Variants in MRC1 observed in about 807,000 individuals in gnomAD.
The protein encoded by MRC1 is mannose receptor C-type 1.
Under a neutral mutation model 102.9 loss-of-function variants are expected in MRC1, and 62 were observed. The observed-to-expected ratio is 0.60, with a 90% CI of 0.49 to 0.74. The LOEUF (loss-of-function observed/expected upper bound fraction) is 0.74, where lower values mean the gene tolerates loss of function less well. Ranked by LOEUF, MRC1 falls within the 30% of genes least tolerant of loss-of-function variation. The pLI, the probability that MRC1 is intolerant of heterozygous loss-of-function variation, is 0.00. For synonymous variants in MRC1, 457 were observed against 298.4 expected, an observed-to-expected ratio of 1.53 and a Z score of -5.48; for missense variants, 1,237 against 862.8, an observed-to-expected ratio of 1.43 and a Z score of -5.43.
chr10:17,897,964 A>G, intron 23 of MRC1, 70 bp from the exon 24 acceptor site: 2 of 779,908 alleles, frequency 2.6e-6, no homozygotes, highest in Admixed American at 3.4e-5. Context: ...GATGAGATAC[A>G]CTTATCATTA....
intron 9 of MRC1, among the ~76,000 whole-genome samples, chr10:17,857,576 G>A (rs1833111486): frequency 1.3e-5 from 2 of 151,960 alleles, no homozygotes; most frequent in Admixed American, 1.3e-4. Context: ...AGATTTACAG[G>A]GTGAATATTA....
chr10:17,849,759 G>C lies in MRC1; in HGVS notation c.1244G>C (p.Gly415Ala). ...TTGGACTTTATTATCTCCCAGCTAG[G>C]ATATGGTGAGAAACTTGACAGTGAT... Reference protein sequence around the residue: ...EELDFIISQLGYEPNDELWIG... With the variant: ...EELDFIISQLAYEPNDELWIG... The change falls in exon 7 of 30, where the codon GGA becomes GCA. Residue 415 changes from glycine (G) to alanine (A), a missense_variant. Coordinates refer to ENST00000569591, the MANE Select transcript of MRC1 (RefSeq NM_002438.4). 1.3e-6 allele frequency: 1 copy of C among 780,386 alleles called. No homozygotes were observed. The allele number at this position is 780,386 out of a possible 1,614,324, so 48.3% of individuals were successfully genotyped here. A position where few individuals can be genotyped will look rare whatever the true frequency, so the allele number is the denominator to read the frequency against.
Position 17,859,538 on chromosome 10 carries a change from G to A in MRC1, c.1519-1849G>A, listed in dbSNP as rs1227268267. On this transcript the variant is annotated intron_variant, in intron 9 of 29. Coordinates refer to ENST00000569591, the MANE Select transcript of MRC1 (RefSeq NM_002438.4). ...TCACCACGTTGGTCAAGGTGGTCTT[G>A]AACTCCTGACCTCAAGTGACCCACC... 3.3e-5 allele frequency among the ~76,000 whole-genome samples: 5 copies of A among 152,222 alleles called. No homozygotes were observed. In the East Asian group the frequency reaches 9.7e-4, roughly 29 times the overall value.
At chr10:17,844,034 A>C (rs34890636) in intron 5 of MRC1, among the ~76,000 whole-genome samples, 18,059 of 152,152 alleles carry the variant, frequency 0.12, 1,073 homozygotes, top group Middle Eastern at 0.17. Flanking sequence ...CAATGCCTAC[A>C]TTCATCCCTT....
At chr10:17,863,109 A>G (rs1302942612) in intron 10 of MRC1, 1 of 177,662 alleles carries the variant, frequency 5.6e-6, no homozygotes, top group East Asian at 1.6e-4. Flanking sequence ...CATGAGTATT[A>G]TCCTTGATAA....
At chr10:17,884,045 C>A (rs1258064563) in intron 21 of MRC1, among the ~76,000 whole-genome samples, 1 of 152,182 alleles carries the variant, frequency 6.6e-6, no homozygotes, top group Admixed American at 6.5e-5. Context: ...TGGCTGTCTG[C>A]AGCCTCGACC....
chr10:17,822,511 C>T (rs1288152377), intron 1 of MRC1, among the ~76,000 whole-genome samples: 1 of 152,108 alleles, frequency 6.6e-6, no homozygotes, highest in East Asian at 1.9e-4. Context: ...GTCCCAGCTA[C>T]TTGGGAGGCT....
chr10:17,863,973 G>A (rs1237283432), intron 11 of MRC1, among the ~76,000 whole-genome samples: 2 of 151,886 alleles, frequency 1.3e-5, no homozygotes, highest in Middle Eastern at 3.4e-3. Flanking sequence ...AATTCTCAGT[G>A]GTCGCAAAGG....
At chr10:17,871,683 A>G (rs888929129) in intron 14 of MRC1, among the ~76,000 whole-genome samples, 119 of 152,310 alleles carry the variant, frequency 7.8e-4, no homozygotes, top group African/African-American at 2.7e-3. Context: ...TTTGTTGCCA[A>G]GTTTTTCCTG....
intron 18 of MRC1, among the ~76,000 whole-genome samples, chr10:17,879,158 G>C (rs1038794538): frequency 6.6e-6 from 1 of 152,102 alleles, no homozygotes; most frequent in African/African-American, 2.4e-5. Context: ...GAGTAATCAG[G>C]GTCTCCACTT....
intron 4 of MRC1, among the ~76,000 whole-genome samples, chr10:17,837,785 G>C (rs1838691033): frequency 6.6e-6 from 1 of 151,906 alleles, no homozygotes; most frequent in South Asian, 2.1e-4. Context: ...TATTTTAGTA[G>C]ACACAGGGTT....
At chr10:17,830,224 C>G (rs904375012) in intron 3 of MRC1, among the ~76,000 whole-genome samples, 4 of 151,178 alleles carry the variant, frequency 2.6e-5, no homozygotes, top group Middle Eastern at 6.3e-3. Flanking sequence ...CTCTGCCTCC[C>G]AGGCTCAAGT....
intron 29 of MRC1, 123 bp from the exon 30 acceptor site, chr10:17,910,092 G>A: frequency 2.7e-6 from 2 of 747,654 alleles, no homozygotes; most frequent in Non-Finnish European, 4.9e-6. Context: ...TTTCTTTTCT[G>A]TTTGACAAAT....
chr10:17,902,208 T>A, intron 26 of MRC1, 86 bp downstream of exon 26: 1 of 676,684 alleles, frequency 1.5e-6, no homozygotes, highest in Non-Finnish European at 2.7e-6. Context: ...ACAAAGAATG[T>A]AAAAATACCT....
At chr10:17,858,949 G>T (rs1372679359) in intron 9 of MRC1, among the ~76,000 whole-genome samples, 1 of 152,146 alleles carries the variant, frequency 6.6e-6, no homozygotes, top group Non-Finnish European at 1.5e-5. Context: ...TCATTCTATT[G>T]TCTATGCTTT....
At chr10:17,895,528 G>C (rs1589194787) in intron 23 of MRC1, among the ~76,000 whole-genome samples, 1 of 151,950 alleles carries the variant, frequency 6.6e-6, no homozygotes, top group Non-Finnish European at 1.5e-5. Context: ...AGCATCATTT[G>C]TGCCTCATTA....
intron 1 of MRC1, among the ~76,000 whole-genome samples, chr10:17,818,359 A>C (rs1554838047): frequency 6.6e-6 from 1 of 152,378 alleles, no homozygotes; most frequent in Middle Eastern, 3.4e-3. Flanking sequence ...TAAATCAGAA[A>C]GATCAAGTAC....
chr10:17,854,979 C>A (rs912684342), intron 8 of MRC1, among the ~76,000 whole-genome samples: 1 of 152,164 alleles, frequency 6.6e-6, no homozygotes, highest in Admixed American at 6.5e-5. Flanking sequence ...GCGTGAGCCG[C>A]CGCGCTTGGC....
At chr10:17,835,397 C>T (rs1210957085) in intron 4 of MRC1, among the ~76,000 whole-genome samples, 1 of 152,152 alleles carries the variant, frequency 6.6e-6, no homozygotes, top group Non-Finnish European at 1.5e-5. Context: ...GTCCTGGGGA[C>T]ATCAAAGCTG....
Sources: allele counts gnomAD v4.1 joint callset (sites outside exome capture counted in the v4.1 genomes callset), GRCh38; gene constraint gnomAD v4.1.1; transcripts MANE v1.5; gene names NCBI Gene and HGNC (gene_info 2026-07-23, HGNC 2026-07-21).